SCMH1: variants seen among roughly 807,000 people sequenced by gnomAD.
SCMH1 encodes polycomb protein SCMH1.
A neutral mutation model predicts 70.8 loss-of-function variants in SCMH1; 37 were observed. The ratio of observed to expected loss-of-function variants is 0.52; its 90% confidence interval spans 0.40 to 0.69. The LOEUF is 0.69. Ranked by LOEUF, SCMH1 falls within the 30% of genes least tolerant of loss-of-function variation. The probability of loss-of-function intolerance (pLI) is 0.00; values close to 1 mark genes in which losing one functional copy is unlikely to be tolerated. For missense variants in SCMH1, 607 were observed against 827.3 expected (o/e 0.73, Z 3.27); for synonymous variants, 292 against 307.4 (o/e 0.95, Z 0.52).
chr1:41,033,651 C>T (rs1644864780), intron 13 of SCMH1, among the ~76,000 whole-genome samples: 1 of 152,202 alleles, frequency 6.6e-6, no homozygotes, highest in Non-Finnish European at 1.5e-5. Context: ...GAGGCACATC[C>T]ACAAGAGGCC....
At chr1:41,184,066 AC>A (rs1649536761) in intron 2 of SCMH1, among the ~76,000 whole-genome samples, 1 of 152,186 alleles carries the variant, frequency 6.6e-6, no homozygotes. Flanking sequence ...ACTGAACTGT[AC>A]ACTAAAATAT....
intron 2 of SCMH1, among the ~76,000 whole-genome samples, chr1:41,175,111 G>T (rs1470152713): frequency 6.6e-6 from 1 of 152,216 alleles, no homozygotes; most frequent in African/African-American, 2.4e-5. Flanking sequence ...CATTATTTCT[G>T]AGTGTATCTG....
chr1:41,062,014 G>A (rs1279133603), intron 10 of SCMH1, among the ~76,000 whole-genome samples: 2 of 151,920 alleles, frequency 1.3e-5, no homozygotes, highest in African/African-American at 4.8e-5. Context: ...ACAGGTGCAT[G>A]CCACCACACC....
At chr1:41,175,776 T>A (rs1042520495) in intron 2 of SCMH1, among the ~76,000 whole-genome samples, 1 of 152,152 alleles carries the variant, frequency 6.6e-6, no homozygotes, top group Admixed American at 6.5e-5. Context: ...GTGTTTGCCT[T>A]CTCTCCTGGT....
intron 11 of SCMH1, 86 bp from the exon 12 acceptor site, chr1:41,046,684 C>T (rs528734769): frequency 7.7e-5 from 80 of 1,033,300 alleles, no homozygotes; most frequent in Non-Finnish European, 1.1e-4. Flanking sequence ...CACTGCTTGT[C>T]TCAGGCTTAC....
intron 6 of SCMH1, among the ~76,000 whole-genome samples, chr1:41,131,254 T>C (rs1367752011): frequency 6.6e-6 from 1 of 152,220 alleles, no homozygotes; most frequent in Non-Finnish European, 1.5e-5. Context: ...TCTATATGTC[T>C]GTCTTCATGC....
At chr1:41,225,103 A>C (rs1660006631) in intron 1 of SCMH1, among the ~76,000 whole-genome samples, 1 of 152,224 alleles carries the variant, frequency 6.6e-6, no homozygotes, top group African/African-American at 2.4e-5. Context: ...ATCAGATTCC[A>C]AACTTTTCAA....
At chr1:41,101,991 G>A (rs1288571116) in intron 8 of SCMH1, among the ~76,000 whole-genome samples, 2 of 152,176 alleles carry the variant, frequency 1.3e-5, no homozygotes, top group Non-Finnish European at 2.9e-5. Flanking sequence ...AACATGCCTA[G>A]TTATAATAAT....
chr1:41,057,161 G>T (rs911930824), intron 10 of SCMH1, among the ~76,000 whole-genome samples: 1 of 152,174 alleles, frequency 6.6e-6, no homozygotes, highest in African/African-American at 2.4e-5. Context: ...AGGGGCAAAG[G>T]CTCATTGAAA....
intron 1 of SCMH1, among the ~76,000 whole-genome samples, chr1:41,227,813 C>T (rs1437223286): frequency 6.6e-6 from 1 of 152,024 alleles, no homozygotes; most frequent in Non-Finnish European, 1.5e-5. Context: ...CCCGTCTCTA[C>T]TAAAAATACA....
intron 1 of SCMH1, among the ~76,000 whole-genome samples, chr1:41,240,373 C>T (rs1212159442): frequency 6.6e-6 from 1 of 152,144 alleles, no homozygotes; most frequent in African/African-American, 2.4e-5. Flanking sequence ...TGCAGAGTTG[C>T]TTAGGCAAGA....
chr1:41,187,390 A>C (rs1650506333), intron 1 of SCMH1, among the ~76,000 whole-genome samples: 1 of 149,562 alleles, frequency 6.7e-6, no homozygotes, highest in Admixed American at 6.7e-5. Context: ...TGAACCCAGG[A>C]GGCGGAGGTT....
chr1:41,119,469 CG>C (rs1379442617), intron 6 of SCMH1, among the ~76,000 whole-genome samples: 1 of 151,852 alleles, frequency 6.6e-6, no homozygotes, highest in African/African-American at 2.4e-5. Flanking sequence ...AAAACCCCAC[CG>C]TAACTCCACA....
chr1:41,184,037 T>G (rs757655210), intron 2 of SCMH1, among the ~76,000 whole-genome samples: 1 of 152,144 alleles, frequency 6.6e-6, no homozygotes, highest in Admixed American at 6.5e-5. Flanking sequence ...TGCACAACAA[T>G]GTGAATGTCT....
At chr1:41,085,852 T>G (rs1209710155) in intron 8 of SCMH1, among the ~76,000 whole-genome samples, 1 of 144,276 alleles carries the variant, frequency 6.9e-6, no homozygotes, top group Admixed American at 6.9e-5. Flanking sequence ...TTTTTTTTTT[T>G]TTTTTTGAGA....
intron 2 of SCMH1, among the ~76,000 whole-genome samples, chr1:41,165,902 T>C (rs534796943): frequency 2.0e-5 from 3 of 152,270 alleles, no homozygotes; most frequent in African/African-American, 7.2e-5. Context: ...CATTTGTCTA[T>C]TTTTGCTTTT....
At chr1:41,112,643 ATT>A (rs1223063615) in intron 8 of SCMH1, among the ~76,000 whole-genome samples, 1 of 152,158 alleles carries the variant, frequency 6.6e-6, no homozygotes, top group Admixed American at 6.5e-5. Context: ...TACAATAAAA[ATT>A]TGTTTAGTAC....
exon 7 of SCMH1, chr1:41,116,926 T>C (rs754585306): frequency 6.3e-7 from 1 of 1,598,188 alleles, no homozygotes; most frequent in Non-Finnish European, 8.5e-7. Flanking sequence ...GCCTACCTTG[T>C]GGAAAATCCT....
In SCMH1 at chr1:41,234,453, CTTTTTTTTTTTTTTTT is replaced by C. The variant is rs66686109; in HGVS notation, c.-118+7590_-118+7605del. ...GCTGGGCAACGGAGCAACTCTGCCT[CTTTTTTTTTTTTTTTT>C]TTTTTTTTTTTTTTTTGAGACACAG... On this transcript the variant is annotated intron_variant, in intron 1 of 14. Transcript: ENST00000337495. Among the ~76,000 whole-genome samples the C allele has an allele frequency of 6.5e-4, 32 of 49,422 alleles. 1 individual carries two copies. Among genetic ancestry groups the C allele is most frequent in the Admixed American group, 7.0e-4 (2 of 2,852 alleles). 32.4% of individuals were successfully genotyped at this position (49,422 alleles called of 152,430 possible). A position where few individuals can be genotyped will look rare whatever the true frequency, so the allele number is the denominator to read the frequency against.
Sources: allele counts gnomAD v4.1 joint callset (sites outside exome capture counted in the v4.1 genomes callset), GRCh38; gene constraint gnomAD v4.1.1; transcripts MANE v1.5; gene names NCBI Gene and HGNC (gene_info 2026-07-23, HGNC 2026-07-21).